Variants in CTNNA3 observed in about 807,000 individuals in gnomAD.
CTNNA3 encodes catenin alpha-3.
In CTNNA3, 76 loss-of-function variants were observed where a neutral mutation model predicts 95.7. The ratio of observed to expected loss-of-function variants is 0.79; its 90% CI spans 0.66 to 0.96. CTNNA3 has a LOEUF of 0.96. Among genes scored for constraint, CTNNA3 ranks in the 40% least tolerant of loss-of-function variants. The probability of loss-of-function intolerance (pLI) is 0.00; values close to 1 mark genes in which losing one functional copy is unlikely to be tolerated. For missense variants in CTNNA3, 1,191 were observed against 1,089.8 expected, an observed-to-expected ratio of 1.09 and a Z score of -1.31; for synonymous variants, 431 against 374.4, an observed-to-expected ratio of 1.15 and a Z score of -1.74.
chr10:67,569,798 T>G (rs1365312784), intron 3 of CTNNA3, among the ~76,000 whole-genome samples: 2 of 152,108 alleles, frequency 1.3e-5, no homozygotes, highest in African/African-American at 4.8e-5. Flanking sequence ...TCTCATCCCT[T>G]TCTTAAGTTT....
intron 5 of CTNNA3, among the ~76,000 whole-genome samples, chr10:67,326,214 A>T (rs991937217): frequency 9.2e-5 from 14 of 152,142 alleles, no homozygotes; most frequent in African/African-American, 3.4e-4. Flanking sequence ...TGGGGCATTT[A>T]AGCCATTTAC....
chr10:66,643,909 C>A (rs1845602564), intron 9 of CTNNA3, among the ~76,000 whole-genome samples: 1 of 152,034 alleles, frequency 6.6e-6, no homozygotes, highest in African/African-American at 2.4e-5. Context: ...TGTAACAGCT[C>A]TAGTAGAGAA....
rs1197111294 is a variant in CTNNA3 at position 66,743,639 on chromosome 10, T to C, written c.1281+22625A>G. Among the ~76,000 whole-genome samples the C allele has an allele frequency of 2.0e-5, 3 of 151,998 alleles. No individual in the cohort carries two copies. In the East Asian group the frequency reaches 5.8e-4, roughly 29 times the overall value. On this transcript the variant is annotated intron_variant, in intron 9 of 17. Coordinates refer to ENST00000433211, the MANE Select transcript of CTNNA3 (RefSeq NM_013266.4). ...GTTATTCATAAAGGGGAAAACTGTA[T>C]AGGAAGAATGCATTCAGAAAGAGTA... is the stretch of plus-strand genomic sequence containing the variant.
In CTNNA3 at chr10:67,089,753, G is replaced by GT. The variant is rs1564883789; in HGVS notation, c.1047+90563_1047+90564insA. ...TGTGTGTGTGTGTGTGTGTGTGTGT[G>GT]GACAGAAACACATATACTGTATTTG... On this transcript the variant is annotated intron_variant, in intron 7 of 17. Transcript: ENST00000433211. Among the ~76,000 whole-genome samples, 12 of 149,554 alleles carry GT rather than the reference G, an allele frequency of 8.0e-5. No individual in the cohort carries two copies. In the South Asian group the frequency reaches 1.1e-3, roughly 13 times the overall value.
intron 5 of CTNNA3, among the ~76,000 whole-genome samples, chr10:67,303,076 TC>T (rs2132503621): frequency 6.6e-6 from 1 of 152,274 alleles, no homozygotes; most frequent in South Asian, 2.1e-4. Flanking sequence ...TGTAATAAAC[TC>T]ATCCAGGTGA....
chr10:67,306,636 C>T (rs1041917118), intron 5 of CTNNA3, among the ~76,000 whole-genome samples: 2 of 152,104 alleles, frequency 1.3e-5, no homozygotes, highest in Admixed American at 6.5e-5. Context: ...AATCAGCATG[C>T]GTGTGCTGAT....
At chr10:66,618,165 C>G (rs1217627206) in intron 10 of CTNNA3, among the ~76,000 whole-genome samples, 4 of 151,932 alleles carry the variant, frequency 2.6e-5, no homozygotes, top group East Asian at 1.9e-4. Context: ...AATGCCATCC[C>G]CATCAAGCTA....
At chr10:66,302,703 A>G (rs761099948) in intron 12 of CTNNA3, among the ~76,000 whole-genome samples, 3 of 152,120 alleles carry the variant, frequency 2.0e-5, no homozygotes, top group African/African-American at 7.2e-5. Flanking sequence ...TGGGCACTTT[A>G]CTATCTGTAC....
At chr10:67,339,691 A>G (rs909234984) in intron 5 of CTNNA3, among the ~76,000 whole-genome samples, 1 of 152,222 alleles carries the variant, frequency 6.6e-6, no homozygotes, top group South Asian at 2.1e-4. Flanking sequence ...CCTAATTTAC[A>G]AAGTCCATGA....
chr10:67,132,473 A>G (rs1181983280), intron 7 of CTNNA3, among the ~76,000 whole-genome samples: 1 of 152,108 alleles, frequency 6.6e-6, no homozygotes, highest in Non-Finnish European at 1.5e-5. Context: ...ATTAAAAAGT[A>G]TATGTAGATG....
At chr10:66,645,223 C>T (rs1227732903) in intron 9 of CTNNA3, among the ~76,000 whole-genome samples, 1 of 152,066 alleles carries the variant, frequency 6.6e-6, no homozygotes, top group Admixed American at 6.6e-5. Context: ...AAGTCTAATT[C>T]ATCAATTTTT....
chr10:66,711,763 G>A (rs1204197895), intron 9 of CTNNA3, among the ~76,000 whole-genome samples: 2 of 151,818 alleles, frequency 1.3e-5, no homozygotes, highest in Non-Finnish European at 2.9e-5. Context: ...GTCTGGTCTC[G>A]AAATCCTGGT....
intron 5 of CTNNA3, among the ~76,000 whole-genome samples, chr10:67,224,086 TTGTG>T (rs1316593708): frequency 6.6e-6 from 1 of 152,190 alleles, no homozygotes; most frequent in East Asian, 1.9e-4. Context: ...CCCTTTGCGT[TTGTG>T]TGTATGTGCT....
chr10:66,173,317 T>C (rs73312177), intron 13 of CTNNA3, among the ~76,000 whole-genome samples: 7,209 of 152,182 alleles, frequency 0.047, 214 homozygotes, highest in African/African-American at 0.066. Flanking sequence ...TAAAAGCCAA[T>C]TGACAAGAAA....
chr10:66,719,857 T>C (rs1848570528), intron 9 of CTNNA3, among the ~76,000 whole-genome samples: 1 of 152,080 alleles, frequency 6.6e-6, no homozygotes, highest in Non-Finnish European at 1.5e-5. Context: ...ACCAGTATAA[T>C]TTGATATTAA....
intron 2 of CTNNA3, among the ~76,000 whole-genome samples, chr10:67,634,149 AG>A (rs1257222916): frequency 2.0e-5 from 3 of 152,204 alleles, no homozygotes; most frequent in African/African-American, 7.2e-5. Context: ...AAACCCTACA[AG>A]GCAGAAGAGA....
intron 15 of CTNNA3, among the ~76,000 whole-genome samples, chr10:66,057,785 T>C (rs1360524358): frequency 6.6e-6 from 1 of 152,166 alleles, no homozygotes; most frequent in Non-Finnish European, 1.5e-5. Context: ...TTCAAACATA[T>C]AATGAATGTT....
At chr10:67,094,772 T>C (rs771605521) in intron 7 of CTNNA3, among the ~76,000 whole-genome samples, 8 of 151,760 alleles carry the variant, frequency 5.3e-5, no homozygotes, top group Non-Finnish European at 2.9e-5. Flanking sequence ...AAAATATTCA[T>C]AATTCAACAA....
chr10:66,114,096 G>T (rs2082223121), intron 13 of CTNNA3, among the ~76,000 whole-genome samples: 1 of 152,110 alleles, frequency 6.6e-6, no homozygotes, highest in Non-Finnish European at 1.5e-5. Flanking sequence ...GAACACCGGT[G>T]CCATGAATAT....
Sources: gnomAD v4.1 joint callset for allele counts (sites outside exome capture counted in the v4.1 genomes callset) on GRCh38, gnomAD v4.1.1 for gene constraint, MANE v1.5 for transcripts, NCBI Gene and HGNC (gene_info 2026-07-23, HGNC 2026-07-21) for gene names.